The following RBM28 variants were observed in gnomAD, a reference collection of about 807,000 sequenced individuals.
The protein encoded by RBM28 is RNA binding motif protein 28, also known as RNA-binding protein 28.
RBM28 carries 78 observed loss-of-function variants against 98.3 expected under a neutral mutation model. The ratio of observed to expected loss-of-function variants is 0.79; its 90% CI spans 0.66 to 0.96. The LOEUF (loss-of-function observed/expected upper bound fraction) is 0.96, where lower values mean the gene tolerates loss of function less well. RBM28 is among the 40% of genes least tolerant of loss of function. The pLI, the probability that RBM28 is intolerant of heterozygous loss-of-function variation, is 0.00. For missense variants in RBM28, 838 were observed against 913.0 expected, an observed-to-expected ratio of 0.92 and a Z score of 1.06; for synonymous variants, 306 against 330.9, an observed-to-expected ratio of 0.92 and a Z score of 0.82.
chr7:128,338,419 T>C, intron 4 of RBM28, 77 bp from the exon 5 acceptor site: 1 of 1,254,310 alleles, frequency 8.0e-7, no homozygotes. Context: ...ATTACTGCAA[T>C]TCAGGCCCAC....
Position 128,321,797 on chromosome 7 carries a change from G to A in RBM28, c.1405-373C>T, listed in dbSNP as rs538928813. Among the ~76,000 whole-genome samples the A allele has an allele frequency of 3.9e-5, 6 of 152,092 alleles. No individual in the cohort carries two copies. In the South Asian group the frequency reaches 1.0e-3, roughly 26 times the overall value. ...GCAGGGTGGCTCATGCCTGTAATCCGAGCACTTTGGGAGGCCAGGGCAGGC... is the reference window on the plus strand; with the variant it reads ...GCAGGGTGGCTCATGCCTGTAATCCAAGCACTTTGGGAGGCCAGGGCAGGC... On this transcript the variant is annotated intron_variant, in intron 13 of 18. Coordinates refer to ENST00000223073, the MANE Select transcript of RBM28 (RefSeq NM_018077.3).
rs746432931 is a variant in RBM28 at position 128,313,319 on chromosome 7, T to C, written c.2046-45A>G. On this transcript the variant is annotated intron_variant, in intron 17 of 18. Transcript: ENST00000223073. ...TGTCACCTTGAGTCCTTCTTCTAAT[T>C]TGACACCCCTAGGTTCTCTTTGTAC... 10 of 1,555,662 alleles carry C rather than the reference T, an allele frequency of 6.4e-6. No individual in the cohort carries two copies. In the East Asian group the frequency reaches 2.0e-4, roughly 31 times the overall value.
rs1387980904 is a variant in RBM28 at position 128,300,114 on chromosome 7, C to T, written c.*10683G>A. On this transcript the variant is annotated 3_prime_UTR_variant, in exon 19 of 19. Transcript: ENST00000223073. ...CTGACTAATATAGGCCCTTTCTCAA[C>T]TTTCCCTAGAAGCCCAGGTTTCCTT... 6.6e-6 allele frequency: 1 copy of T among 152,260 alleles called. No homozygotes were observed. The highest frequency in any genetic ancestry group is 1.5e-5 in the Non-Finnish European group (1 of 68,066). 9.4% of individuals were successfully genotyped at this position (152,260 alleles called of 1,614,324 possible).
chr7:128,337,336 TTAAAA>T (rs1451079779), intron 5 of RBM28, 134 bp from the exon 6 acceptor site: 3 of 865,956 alleles, frequency 3.5e-6, no homozygotes. Context: ...AATGCTGGTC[TTAAAA>T]TAAAGCTCCT....
intron 1 of RBM28, chr7:128,341,197 C>T: frequency 7.8e-7 from 1 of 1,288,976 alleles, no homozygotes; most frequent in Non-Finnish European, 1.0e-6. Flanking sequence ...AGCCCTTTGA[C>T]ACAGGACACT....
intron 9 of RBM28, among the ~76,000 whole-genome samples, chr7:128,332,356 A>AT (rs573108717): frequency 2.1e-3 from 307 of 145,862 alleles, no homozygotes; most frequent in East Asian, 0.012. Flanking sequence ...AAGAAAACAA[A>AT]TTTTTTTTTT....
At chr7:128,315,111 T>C (rs147116964) in intron 16 of RBM28, 91 bp from the exon 17 acceptor site, 95 of 1,556,806 alleles carry the variant, frequency 6.1e-5, no homozygotes, top group East Asian at 6.1e-4. Flanking sequence ...GTGAGCTAGA[T>C]GAAAGAAGAG....
At chr7:128,331,734 T>A (rs1212075934) in intron 9 of RBM28, among the ~76,000 whole-genome samples, 1 of 151,642 alleles carries the variant, frequency 6.6e-6, no homozygotes, top group African/African-American at 2.4e-5. Flanking sequence ...GGAAGGAAAT[T>A]TTGTTGTCCT....
chr7:128,326,684 A>G (rs1262635042), intron 10 of RBM28, among the ~76,000 whole-genome samples: 1 of 152,184 alleles, frequency 6.6e-6, no homozygotes, highest in African/African-American at 2.4e-5. Context: ...ATGTATCCCC[A>G]TCATTAAGTG....
At position 128,321,433 on chromosome 7, in the gene RBM28, A is replaced by C; in HGVS notation, c.1405-9T>G. 6.2e-7 allele frequency: 1 copy of C among 1,614,110 alleles called. No homozygotes were observed. The highest frequency in any genetic ancestry group is 8.5e-7 in the Non-Finnish European group (1 of 1,179,960). ...TGCTTCAGCAGCTCAAACTGAAAGAACAACCAATGGTTAACAGTACAACCC... is the reference window on the plus strand; with the variant it reads ...TGCTTCAGCAGCTCAAACTGAAAGACCAACCAATGGTTAACAGTACAACCC... On this transcript the variant is annotated splice_polypyrimidine_tract_variant and intron_variant, in intron 13 of 18. Transcript: ENST00000223073.
chr7:128,314,171 C>T (rs1796054188), intron 17 of RBM28, among the ~76,000 whole-genome samples: 1 of 152,074 alleles, frequency 6.6e-6, no homozygotes, highest in South Asian at 2.1e-4. Context: ...AGCATGTTAA[C>T]CAGGATGGTC....
At chr7:128,311,338 T>C (rs988568997) in intron 18 of RBM28, among the ~76,000 whole-genome samples, 2 of 152,194 alleles carry the variant, frequency 1.3e-5, no homozygotes, top group Non-Finnish European at 2.9e-5. Context: ...CGTCAGAAAC[T>C]TCCCAGACAC....
chr7:128,327,636 G>A (rs142984319), intron 10 of RBM28, among the ~76,000 whole-genome samples: 6 of 152,156 alleles, frequency 3.9e-5, no homozygotes, highest in African/African-American at 1.4e-4. Context: ...AAGTAGCTGA[G>A]ATTACAGGCA....
At position 128,299,662 on chromosome 7, in the gene RBM28, A is replaced by C. The variant is rs953302433; in HGVS notation, c.*11135T>G. On this transcript the variant is annotated 3_prime_UTR_variant, in exon 19 of 19. Coordinates refer to ENST00000223073, the MANE Select transcript of RBM28 (RefSeq NM_018077.3). ...ATGTAAATTATGTTACACTGATACA[A>C]TCCAATGAGCCTCCCTTCAGAGAGA... 1.3e-5 allele frequency: 2 copies of C among 152,238 alleles called. No individual in the cohort carries two copies. The highest frequency in any genetic ancestry group is 2.9e-5 in the Non-Finnish European group (2 of 68,048). 9.4% of individuals were successfully genotyped at this position (152,238 alleles called of 1,614,324 possible). A position where few individuals can be genotyped will look rare whatever the true frequency, so the allele number is the denominator to read the frequency against.
intron 8 of RBM28, among the ~76,000 whole-genome samples, 185 bp downstream of exon 8, chr7:128,335,358 G>A (rs969648317): frequency 6.6e-6 from 1 of 151,948 alleles, no homozygotes; most frequent in Non-Finnish European, 1.5e-5. Flanking sequence ...CAAACAAAAA[G>A]GAAACAACAA....
intron 1 of RBM28, among the ~76,000 whole-genome samples, chr7:128,341,976 G>C (rs1223523144): frequency 2.0e-5 from 3 of 152,128 alleles, no homozygotes; most frequent in Non-Finnish European, 2.9e-5. Context: ...GGACAACGTA[G>C]TGAGACCCTG....
chr7:128,323,528 C>T lies in RBM28; in HGVS notation c.1403G>A (p.Arg468Gln), dbSNP rs374475965. 3.7e-6 allele frequency: 6 copies of T among 1,614,086 alleles called. No individual in the cohort carries two copies. The highest frequency in any genetic ancestry group is 4.5e-5 in the East Asian group (2 of 44,902). ...AAGGTCAATGCCTAATCTACTCACC[C>T]GTTCTCTTTTGGCCATATCAGCAGC... ...VSAADMAKRE[R>Q]FELLKHQKLK... The change falls in exon 13 of 19, where the codon CGG becomes CAG. Residue 468 changes from arginine (R) to glutamine (Q), a missense_variant and splice_region_variant. Transcript: ENST00000223073.
rs1179656823 is a variant in RBM28, at chr7:128,307,309, G to A, written c.*3488C>T. On this transcript the variant is annotated 3_prime_UTR_variant, in exon 19 of 19. Coordinates refer to ENST00000223073, the MANE Select transcript of RBM28 (RefSeq NM_018077.3). ...GAGAACTGGCTGTGTGCGTCAGCAG[G>A]GGAGCTTAAGACTGCAGATTCTGGG... 6.6e-6 allele frequency: 1 copy of A among 152,170 alleles called. No individual in the cohort carries two copies. The highest frequency in any genetic ancestry group is 1.9e-4 in the East Asian group (1 of 5,196). The allele number at this position is 152,170 out of a possible 1,614,324, so 9.4% of individuals were successfully genotyped here.
At chr7:128,339,958 G>A (rs1203480489) in intron 1 of RBM28, among the ~76,000 whole-genome samples, 167 bp from the exon 2 acceptor site, 1 of 152,132 alleles carries the variant, frequency 6.6e-6, no homozygotes, top group African/African-American at 2.4e-5. Context: ...GAGAAACAAG[G>A]GTGGTATCAG....
Sources: gnomAD v4.1 joint callset for allele counts (sites outside exome capture counted in the v4.1 genomes callset) on GRCh38, gnomAD v4.1.1 for gene constraint, MANE v1.5 for transcripts, NCBI Gene and HGNC (gene_info 2026-07-23, HGNC 2026-07-21) for gene names.